GNG2: variants seen among roughly 807,000 people sequenced by gnomAD.
The protein encoded by GNG2 is G protein subunit gamma 2, also known as guanine nucleotide-binding protein G(I)/G(S)/G(O) subunit gamma-2.
Under a neutral mutation model 5.5 loss-of-function variants are expected in GNG2, and 5 were observed. The observed-to-expected ratio is 0.91, with a 90% confidence interval of 0.48 to 1.92. The LOEUF is 1.92. Ranked by LOEUF, GNG2 falls within the 30% of genes most tolerant of loss-of-function variation. GNG2 has a pLI of 0.01. For missense variants in GNG2, 55 were observed against 88.4 expected, an observed-to-expected ratio of 0.62 and a Z score of 1.52; for synonymous variants, 28 against 32.0, an observed-to-expected ratio of 0.88 and a Z score of 0.42.
At chr14:51,930,255 T>G (rs2140243026) in intron 2 of GNG2, among the ~76,000 whole-genome samples, 1 of 152,354 alleles carries the variant, frequency 6.6e-6, no homozygotes, top group East Asian at 1.9e-4. Flanking sequence ...CAAAAAAGCC[T>G]TGTCCGGCCC....
At chr14:51,925,867 C>CA (rs1473903324) in intron 2 of GNG2, among the ~76,000 whole-genome samples, 1 of 151,874 alleles carries the variant, frequency 6.6e-6, no homozygotes, top group Non-Finnish European at 1.5e-5. Context: ...AGTGATTCAC[C>CA]AACCTCTGCC....
intron 1 of GNG2, among the ~76,000 whole-genome samples, chr14:51,867,995 A>G (rs1382472400): frequency 6.6e-6 from 1 of 152,118 alleles, no homozygotes; most frequent in African/African-American, 2.4e-5. Context: ...CAGTTTGTTT[A>G]TCATTCATTT....
intron 2 of GNG2, among the ~76,000 whole-genome samples, chr14:51,855,158 G>T (rs528431381): frequency 6.6e-6 from 1 of 152,314 alleles, no homozygotes; most frequent in East Asian, 1.9e-4. Context: ...ATCAGAGAAG[G>T]ATCTGGGGGG....
chr14:51,952,444 G>T (rs936925200), intron 3 of GNG2, among the ~76,000 whole-genome samples: 2 of 152,202 alleles, frequency 1.3e-5, no homozygotes, highest in African/African-American at 4.8e-5. Flanking sequence ...TACCTGCTGA[G>T]AGAAGTAAGG....
chr14:51,904,179 G>C (rs1041479527), intron 2 of GNG2, among the ~76,000 whole-genome samples: 4 of 152,142 alleles, frequency 2.6e-5, no homozygotes, highest in African/African-American at 9.7e-5. Flanking sequence ...GACCCTGGGT[G>C]CTCAAAAACT....
At chr14:51,936,339 G>A (rs962684387) in intron 2 of GNG2, among the ~76,000 whole-genome samples, 3 of 152,150 alleles carry the variant, frequency 2.0e-5, no homozygotes, top group Non-Finnish European at 2.9e-5. Context: ...TTTCTTGGAA[G>A]TGCTCTTGGT....
At chr14:51,843,574 A>T (rs1881544136) in intron 2 of GNG2, among the ~76,000 whole-genome samples, 1 of 23,538 alleles carries the variant, frequency 4.2e-5, no homozygotes, top group Non-Finnish European at 2.3e-4. Flanking sequence ...CAGAACTTAA[A>T]GTTAAAAAAA....
rs117939240 is a variant in GNG2 at position 51,871,499 on chromosome 14, C to T, written c.-70-6118C>T. On this transcript the variant is annotated intron_variant, in intron 1 of 3. Transcript: ENST00000556766. ...GGGCAAATTGCTTAAGCTTTCTATG[C>T]CTCAGTTTCTTCATCTATAATGGGA... Among the ~76,000 whole-genome samples, 117 of 152,194 alleles carry T rather than the reference C, an allele frequency of 7.7e-4. 2 individuals carry two copies. The East Asian group carries it at 0.021, about 27-fold the overall frequency.
chr14:51,938,222 C>T (rs183583900), intron 2 of GNG2, among the ~76,000 whole-genome samples: 4 of 152,264 alleles, frequency 2.6e-5, no homozygotes, highest in African/African-American at 7.2e-5. Context: ...AAATTTCCCC[C>T]GCTTAGGATT....
chr14:51,966,227 A>AG (rs905369223), intron 3 of GNG2, among the ~76,000 whole-genome samples: 6 of 148,842 alleles, frequency 4.0e-5, no homozygotes, highest in Admixed American at 2.0e-4. Flanking sequence ...AAAAAAAAAA[A>AG]AAAAAAAAAA....
chr14:51,837,155 G>A (rs1410080879), intron 2 of GNG2, among the ~76,000 whole-genome samples: 1 of 151,672 alleles, frequency 6.6e-6, no homozygotes, highest in Non-Finnish European at 1.5e-5. Flanking sequence ...CACCGCACCC[G>A]GCCTGATCTC....
At chr14:51,955,975 G>A (rs557289326) in intron 3 of GNG2, among the ~76,000 whole-genome samples, 3 of 152,230 alleles carry the variant, frequency 2.0e-5, no homozygotes, top group South Asian at 4.1e-4. Context: ...CCAGTTAGAC[G>A]CCATCCTTGG....
chr14:51,903,925 A>C (rs1408390120), intron 2 of GNG2, among the ~76,000 whole-genome samples: 2 of 152,200 alleles, frequency 1.3e-5, no homozygotes, highest in Non-Finnish European at 2.9e-5. Flanking sequence ...TCTGTTCCCA[A>C]GCTGTATCCA....
chr14:51,923,584 ACAGACAT>A (rs1328641275), intron 2 of GNG2, among the ~76,000 whole-genome samples: 1 of 151,864 alleles, frequency 6.6e-6, no homozygotes, highest in African/African-American at 2.4e-5. Flanking sequence ...ACACACACAC[ACAGACAT>A]ATGTTCTTCA....
At chr14:51,830,680 A>G (rs1487915710) in intron 2 of GNG2, among the ~76,000 whole-genome samples, 2 of 152,176 alleles carry the variant, frequency 1.3e-5, no homozygotes, top group African/African-American at 4.8e-5. Flanking sequence ...GCCGCTAACC[A>G]CTTCTCATTA....
At chr14:51,957,043 G>A (rs973079196) in intron 3 of GNG2, among the ~76,000 whole-genome samples, 1 of 151,428 alleles carries the variant, frequency 6.6e-6, no homozygotes, top group East Asian at 1.9e-4. Context: ...TTACTTCCCG[G>A]TTCTCAGTCC....
chr14:51,895,630 T>C (rs776566683), intron 2 of GNG2, among the ~76,000 whole-genome samples: 50 of 152,244 alleles, frequency 3.3e-4, no homozygotes, highest in Non-Finnish European at 6.3e-4. Flanking sequence ...GCTCTTTTTA[T>C]GGAAAAAAAT....
chr14:51,837,728 CA>C (rs1881371234), intron 2 of GNG2, among the ~76,000 whole-genome samples: 1 of 151,574 alleles, frequency 6.6e-6, no homozygotes, highest in Non-Finnish European at 1.5e-5. Flanking sequence ...ATGAGGGAAC[CA>C]GCAGGCAGTT....
At chr14:51,916,510 GAA>G (rs11322270) in intron 2 of GNG2, 87 of 403,372 alleles carry the variant, frequency 2.2e-4, no homozygotes, top group South Asian at 4.2e-4. Flanking sequence ...AAATAATCCT[GAA>G]AAAAAAAAAG....
Sources: gnomAD v4.1 joint callset for allele counts (sites outside exome capture counted in the v4.1 genomes callset) on GRCh38, gnomAD v4.1.1 for gene constraint, MANE v1.5 for transcripts, NCBI Gene and HGNC (gene_info 2026-07-23, HGNC 2026-07-21) for gene names.